Variants in LRPPRC observed in about 807,000 individuals in gnomAD.
LRPPRC encodes leucine rich pentatricopeptide repeat containing.
Under a neutral mutation model 180.3 loss-of-function variants are expected in LRPPRC, and 120 were observed. The observed-to-expected ratio is 0.67, with a 90% CI of 0.57 to 0.77. The LOEUF (loss-of-function observed/expected upper bound fraction) is 0.77, where lower values mean the gene tolerates loss of function less well. Ranked by LOEUF, LRPPRC falls within the 30% of genes least tolerant of loss-of-function variation. The pLI, the probability that LRPPRC is intolerant of heterozygous loss-of-function variation, is 0.00. For missense variants in LRPPRC, 2,012 were observed against 1,657.2 expected, an observed-to-expected ratio of 1.21 and a Z score of -3.72; for synonymous variants, 723 against 600.0, an observed-to-expected ratio of 1.21 and a Z score of -3.00.
intron 25 of LRPPRC, among the ~76,000 whole-genome samples, chr2:43,927,407 C>T (rs369088504): frequency 2.6e-5 from 4 of 152,244 alleles, no homozygotes; most frequent in East Asian, 3.9e-4. Context: ...GTTCTCATTT[C>T]CTATATCATC....
chr2:43,955,124 A>G (rs1435027366), intron 14 of LRPPRC, among the ~76,000 whole-genome samples: 1 of 152,044 alleles, frequency 6.6e-6, no homozygotes, highest in African/African-American at 2.4e-5. Context: ...TTTTGCAGGG[A>G]AAGATGAGCC....
rs781410029 is a variant in LRPPRC at position 43,946,208 on chromosome 2, A to G, written c.2115T>C (p.Tyr705=). 2 of 1,611,728 alleles carry G rather than the reference A, an allele frequency of 1.2e-6. No homozygotes were observed. Among genetic ancestry groups the G allele is most frequent in the African/African-American group, 2.7e-5 (2 of 74,850 alleles). Residue 705 remains tyrosine (Y), a synonymous_variant, in exon 21 of 38, where the codon TAT becomes TAC. Transcript: ENST00000260665. ...MQKALELKAK[Y]ESDMVTGGYA... ...AGCCACCAGTAACCATGTCGGATTCATATTTTGCTTTCAATTCAAGGGCTT... is the reference window on the plus strand; with the variant it reads ...AGCCACCAGTAACCATGTCGGATTCGTATTTTGCTTTCAATTCAAGGGCTT...
intron 12 of LRPPRC, 47 bp downstream of exon 12, chr2:43,963,541 A>G (rs1297844834): frequency 8.8e-7 from 1 of 1,131,650 alleles, no homozygotes; most frequent in African/African-American, 1.5e-5. Context: ...ATTAAGGAGG[A>G]AAGATATCCT....
chr2:43,934,690 C>A (rs1672208940), intron 24 of LRPPRC, 64 bp downstream of exon 24: 5 of 1,453,370 alleles, frequency 3.4e-6, no homozygotes, highest in Admixed American at 3.4e-5. Context: ...CTTAACAATA[C>A]ACTAAGATTA....
rs771739658 is a variant in LRPPRC at position 43,947,817 on chromosome 2, C to G, written c.1921-42G>C. The G allele has an allele frequency of 3.2e-6, 4 of 1,260,236 alleles. No individual in the cohort carries two copies. The African/African-American group carries it at 4.4e-5, about 14-fold the overall frequency. The allele number at this position is 1,260,236 out of a possible 1,614,324, so 78.1% of individuals were successfully genotyped here. A position where few individuals can be genotyped will look rare whatever the true frequency, so the allele number is the denominator to read the frequency against. On this transcript the variant is annotated intron_variant, in intron 18 of 37. Coordinates refer to ENST00000260665, the MANE Select transcript of LRPPRC (RefSeq NM_133259.4). Reference sequence around the variant, plus strand: ...AATTAGCCCAGAATTAGAAAACACACGTAAAAATACATCAGCAAACATCAA... The same window carrying G: ...AATTAGCCCAGAATTAGAAAACACAGGTAAAAATACATCAGCAAACATCAA...
chr2:43,927,982 G>A (rs2105046812), intron 25 of LRPPRC, among the ~76,000 whole-genome samples: 1 of 151,912 alleles, frequency 6.6e-6, no homozygotes, highest in Admixed American at 6.6e-5. Context: ...ATAAAAACAT[G>A]GAGAAGAATA....
chr2:43,888,102 G>A lies in LRPPRC; in HGVS notation c.*498C>T, dbSNP rs1358123224. Reference sequence around the variant, plus strand: ...CTGCTTCTCACTGGAAAATGATGAAGCCTAGATCTGATGACTCCTAGTGCC... The same window carrying A: ...CTGCTTCTCACTGGAAAATGATGAAACCTAGATCTGATGACTCCTAGTGCC... On this transcript the variant is annotated 3_prime_UTR_variant, in exon 38 of 38. Coordinates refer to ENST00000260665, the MANE Select transcript of LRPPRC (RefSeq NM_133259.4). 3 of 168,690 alleles carry A rather than the reference G, an allele frequency of 1.8e-5. No individual in the cohort carries two copies. Among genetic ancestry groups the A allele is most frequent in the African/African-American group, 7.2e-5 (3 of 41,500 alleles). The allele number at this position is 168,690 out of a possible 1,614,324, so 10.4% of individuals were successfully genotyped here.
At chr2:43,903,178 G>T (rs1318806666) in intron 31 of LRPPRC, 1 of 152,056 alleles carries the variant, frequency 6.6e-6, no homozygotes, top group African/African-American at 2.4e-5. Flanking sequence ...CTCATATAAG[G>T]CTTGCCTTCT....
intron 9 of LRPPRC, 45 bp downstream of exon 9, chr2:43,974,105 T>G (rs1419872110): frequency 6.5e-7 from 1 of 1,549,020 alleles, no homozygotes; most frequent in East Asian, 2.2e-5. Context: ...GAATCTTATT[T>G]CACTGCCAAT....
rs749413297 is a variant in LRPPRC at position 43,901,373 on chromosome 2, A to C, written c.3516T>G (p.Ile1172Met). Residue 1172 changes from isoleucine to methionine, a missense_variant, in exon 32 of 38, where the codon ATT becomes ATG. Transcript: ENST00000260665. ...TGATGAAAACCATTTTTGAAAGTCC[A>C]ATGGAGTCTTCGAGTCCATTTAACA... ...QKMLNGLEDS[I>M]GLSKMVFINN... 24 of 1,613,940 alleles carry C rather than the reference A, an allele frequency of 1.5e-5. No homozygotes were observed. The highest frequency in any genetic ancestry group is 2.0e-5 in the Non-Finnish European group (24 of 1,179,896).
At chr2:43,946,915 A>G (rs566261904) in intron 20 of LRPPRC, among the ~76,000 whole-genome samples, 1 of 152,202 alleles carries the variant, frequency 6.6e-6, no homozygotes, top group African/African-American at 2.4e-5. Context: ...ACAACCTAGT[A>G]ATATTTGACT....
chr2:43,962,663 G>C lies in LRPPRC; in HGVS notation c.1488+925C>G, dbSNP rs544571402. Among the ~76,000 whole-genome samples the C allele has an allele frequency of 7.9e-5, 12 of 152,250 alleles. 1 individual carries two copies. In the South Asian group the frequency reaches 2.5e-3, roughly 32 times the overall value. ...TCATGTGCCTCTTCATCAACAGCTT[G>C]CCTACTCTGCTAAGGACCAGAAGTA... On this transcript the variant is annotated intron_variant, in intron 12 of 37. Transcript: ENST00000260665.
chr2:43,947,870 T>A (rs1006989236), intron 18 of LRPPRC, 95 bp from the exon 19 acceptor site: 10 of 813,594 alleles, frequency 1.2e-5, no homozygotes, highest in Non-Finnish European at 2.0e-5. Flanking sequence ...TCACCTCATA[T>A]TACTACTTTT....
At chr2:43,925,229 G>C in intron 26 of LRPPRC, 72 bp from the exon 27 acceptor site, 1 of 850,210 alleles carries the variant, frequency 1.2e-6, no homozygotes, top group South Asian at 1.3e-5. Context: ...AATAGCAGTG[G>C]AATAATCTTT....
intron 36 of LRPPRC, among the ~76,000 whole-genome samples, chr2:43,891,121 A>G (rs978877133): frequency 1.3e-5 from 2 of 152,186 alleles, no homozygotes; most frequent in African/African-American, 4.8e-5. Context: ...CATGAAGTCA[A>G]CTTCTTGTGT....
intron 36 of LRPPRC, among the ~76,000 whole-genome samples, chr2:43,891,573 C>G (rs1670494483): frequency 6.6e-6 from 1 of 152,132 alleles, no homozygotes; most frequent in Non-Finnish European, 1.5e-5. Flanking sequence ...ATGCTATGAA[C>G]CATACACATG....
chr2:43,924,784 C>T (rs915338524), intron 27 of LRPPRC, among the ~76,000 whole-genome samples: 11 of 152,064 alleles, frequency 7.2e-5, no homozygotes, highest in Admixed American at 1.3e-4. Flanking sequence ...ACAGAAAGAC[C>T]GTTCTTACCT....
rs547585913 is a variant in LRPPRC, at chr2:43,920,138, C to T, written c.2897-1740G>A. Among the ~76,000 whole-genome samples the T allele has an allele frequency of 2.0e-5, 3 of 150,628 alleles. No homozygotes were observed. In the South Asian group the frequency reaches 6.3e-4, roughly 32 times the overall value. Reference sequence around the variant, plus strand: ...TTCCCCTGGGTCACACAGATTGCAGCCTATATATTTTTTTTGAGATGGAGT... The same window carrying T: ...TTCCCCTGGGTCACACAGATTGCAGTCTATATATTTTTTTTGAGATGGAGT... On this transcript the variant is annotated intron_variant, in intron 27 of 37. Coordinates refer to ENST00000260665, the MANE Select transcript of LRPPRC (RefSeq NM_133259.4).
intron 5 of LRPPRC, among the ~76,000 whole-genome samples, chr2:43,976,647 A>G (rs1674068029): frequency 6.6e-6 from 1 of 151,794 alleles, no homozygotes; most frequent in Non-Finnish European, 1.5e-5. Flanking sequence ...TTTCTACACT[A>G]CTTCCAGTTT....
Sources: gnomAD v4.1 joint callset for allele counts (sites outside exome capture counted in the v4.1 genomes callset) on GRCh38, gnomAD v4.1.1 for gene constraint, MANE v1.5 for transcripts, NCBI Gene and HGNC (gene_info 2026-07-23, HGNC 2026-07-21) for gene names.